Variants in PTPN23 observed in about 807,000 individuals in gnomAD.
The protein encoded by PTPN23 is protein tyrosine phosphatase non-receptor type 23.
In PTPN23, 72 loss-of-function variants were observed where a neutral mutation model predicts 156.3. That is an observed-to-expected ratio of 0.46 (90% confidence interval 0.38 to 0.56). The LOEUF (loss-of-function observed/expected upper bound fraction) is 0.56. Ranked by LOEUF, PTPN23 falls within the 20% of genes least tolerant of loss-of-function variation. The pLI, the probability that PTPN23 is intolerant of heterozygous loss-of-function variation, is 0.00. For synonymous variants in PTPN23, 957 were observed against 899.6 expected (o/e 1.06, Z -1.14); for missense variants, 1,974 against 2,171.5 (o/e 0.91, Z 1.81).
intron 2 of PTPN23, among the ~76,000 whole-genome samples, chr3:47,397,306 C>G (rs1288695621): frequency 1.3e-5 from 2 of 152,204 alleles, no homozygotes; most frequent in Non-Finnish European, 2.9e-5. Flanking sequence ...ATGGTGCCGA[C>G]AGGCCTGTGT....
At position 47,412,300 on chromosome 3, in the gene PTPN23, C is replaced by T. The variant is rs1206430711; in HGVS notation, c.4196C>T (p.Thr1399Met). The T allele has an allele frequency of 7.4e-6, 12 of 1,613,236 alleles. No homozygotes were observed. Among genetic ancestry groups the T allele is most frequent in the African/African-American group, 2.7e-5 (2 of 75,042 alleles). ...IVHCSSGVGR[T>M]GAFALLYAAV... is the part of the protein sequence containing the mutation. ...TGGCACAGCTCTGGTGTGGGCCGCACGGGAGCCTTTGCACTGCTCTATGCA... is the reference window on the plus strand; with the variant it reads ...TGGCACAGCTCTGGTGTGGGCCGCATGGGAGCCTTTGCACTGCTCTATGCA... Residue 1399 changes from threonine (T) to methionine (M), a missense_variant, in exon 23 of 25, where the codon ACG (threonine) becomes ATG (methionine). Around this residue, in one of 4 missense-constraint regions of PTPN23, gnomAD observed 484 missense variants for 516.0 expected, o/e 0.94. Coordinates refer to ENST00000265562, the MANE Select transcript of PTPN23 (RefSeq NM_015466.4).
At position 47,413,334 on chromosome 3, in the gene PTPN23, G is replaced by A. The variant is rs1267542362; in HGVS notation, c.*149G>A. 1 of 1,124,808 alleles carries A rather than the reference G, an allele frequency of 8.9e-7. No individual in the cohort carries two copies. The highest frequency in any genetic ancestry group is 1.3e-6 in the Non-Finnish European group (1 of 791,312). The allele number at this position is 1,124,808 out of a possible 1,614,324, so 69.7% of individuals were successfully genotyped here. A position where few individuals can be genotyped will look rare whatever the true frequency, so the allele number is the denominator to read the frequency against. On this transcript the variant is annotated 3_prime_UTR_variant, in exon 25 of 25. Coordinates refer to ENST00000265562, the MANE Select transcript of PTPN23 (RefSeq NM_015466.4). ...CCTGGCCCAGCCTGCACCCCTGTGG[G>A]GTGGAAATGTACTGCAGGCTCTGGG...
At chr3:47,382,675 CTTTTCTTTT>C (rs1704569490) in intron 1 of PTPN23, among the ~76,000 whole-genome samples, 2 of 63,272 alleles carry the variant, frequency 3.2e-5, no homozygotes, top group Non-Finnish European at 6.8e-5. Flanking sequence ...TTTTCTTTTT[CTTTTCTTTT>C]TTTTTTTTTT....
chr3:47,409,911 C>G lies in PTPN23; in HGVS notation c.2130-17C>G. On this transcript the variant is annotated splice_polypyrimidine_tract_variant and intron_variant, in intron 19 of 24. Transcript: ENST00000265562. Reference sequence around the variant, plus strand: ...TGATGGGAGCCTGGCCCCACTTTTTCCTTGCCTGTCGCACAGGGAGCTGAA... The same window carrying G: ...TGATGGGAGCCTGGCCCCACTTTTTGCTTGCCTGTCGCACAGGGAGCTGAA... The G allele has an allele frequency of 1.9e-6, 3 of 1,570,494 alleles. No homozygotes were observed. The highest frequency in any genetic ancestry group is 1.7e-6 in the Non-Finnish European group (2 of 1,159,320).
rs755423605 is a variant in PTPN23 at position 47,408,921 on chromosome 3, A to C, written c.1476A>C (p.Ala492=). ...CCATCACCTCCAAGGCTGAGCTGGCAGAGGTGAGGCGAGAATGGGCCAAGT... is the reference window on the plus strand; with the variant it reads ...CCATCACCTCCAAGGCTGAGCTGGCCGAGGTGAGGCGAGAATGGGCCAAGT... ...AISITSKAEL[A]EVRREWAKYM... Residue 492 remains alanine, a synonymous_variant, in exon 16 of 25, where the codon GCA becomes GCC. Transcript: ENST00000265562. 1.2e-6 allele frequency: 2 copies of C among 1,614,250 alleles called. No homozygotes were observed. Among genetic ancestry groups the C allele is most frequent in the Non-Finnish European group, 1.7e-6 (2 of 1,180,042 alleles).
At position 47,412,544 on chromosome 3, in the gene PTPN23, G is replaced by A; in HGVS notation, c.4348G>A (p.Val1450Met). 6.2e-7 allele frequency: 1 copy of A among 1,613,612 alleles called. No homozygotes were observed. Among genetic ancestry groups the A allele is most frequent in the South Asian group, 1.1e-5 (1 of 91,082 alleles). Reference protein sequence around the residue: ...LHLRFCYEAVVRHVEQVLQRH... With the variant: ...LHLRFCYEAVMRHVEQVLQRH... ...CCTCAGGTTCTGCTATGAGGCAGTG[G>A]TGAGACACGTGGAGCAGGTCCTGCA... The change falls in exon 24 of 25, where the codon GTG becomes ATG. Residue 1450 changes from valine (V) to methionine (M), a missense_variant. By Grantham distance (21) the Val-to-Met change is conservative. This residue lies in a region of PTPN23 where 484 missense variants were observed against 516.0 expected (regional missense o/e 0.94). Coordinates refer to ENST00000265562, the MANE Select transcript of PTPN23 (RefSeq NM_015466.4).
At chr3:47,402,634 G>A (rs565827329) in intron 2 of PTPN23, among the ~76,000 whole-genome samples, 2 of 152,192 alleles carry the variant, frequency 1.3e-5, no homozygotes, top group African/African-American at 4.8e-5. Flanking sequence ...GTCATTCAGC[G>A]ATAATCACGG....
Position 47,413,208 on chromosome 3 carries a change from T to G in PTPN23, c.*23T>G, listed in dbSNP as rs752537249. 6.3e-7 allele frequency: 1 copy of G among 1,589,508 alleles called. No homozygotes were observed. The highest frequency in any genetic ancestry group is 1.3e-5 in the African/African-American group (1 of 74,432). On this transcript the variant is annotated 3_prime_UTR_variant, in exon 25 of 25. Coordinates refer to ENST00000265562, the MANE Select transcript of PTPN23 (RefSeq NM_015466.4). ...TGAACAGGTTTTGCCTACCTGGTCC[T>G]TACACTACATCATCATCATCTCATG... is the stretch of plus-strand genomic sequence containing the variant.
In PTPN23 at chr3:47,410,481, A is replaced by G. The variant is rs1326937825; in HGVS notation, c.2683A>G (p.Thr895Ala). 1 of 1,608,198 alleles carries G rather than the reference A, an allele frequency of 6.2e-7. No individual in the cohort carries two copies. Among genetic ancestry groups the G allele is most frequent in the African/African-American group, 1.3e-5 (1 of 74,466 alleles). ...DSIQAPIPSH[T>A]APRPNPTPAP... ...CATCCAGGCGCCCATCCCCAGCCAC[A>G]CAGCCCCACGGCCAAACCCCACCCC... The change falls in exon 20 of 25, where the codon ACA becomes GCA. Residue 895 changes from threonine (T) to alanine (A), a missense_variant. Around this residue, in one of 4 missense-constraint regions of PTPN23, gnomAD observed 731 missense variants for 669.1 expected, o/e 1.09. Transcript: ENST00000265562.
chr3:47,395,805 T>C (rs1375650853), intron 1 of PTPN23, among the ~76,000 whole-genome samples: 3 of 152,174 alleles, frequency 2.0e-5, no homozygotes, highest in Non-Finnish European at 4.4e-5. Context: ...CCCAATCTTC[T>C]AGGGAGGCTT....
Position 47,394,887 on chromosome 3 carries a change from A to T in PTPN23, c.85-1256A>T, listed in dbSNP as rs1216275906. Among the ~76,000 whole-genome samples, 3 of 152,186 alleles carry T rather than the reference A, an allele frequency of 2.0e-5. No homozygotes were observed. In the East Asian group the frequency reaches 5.8e-4, roughly 29 times the overall value. On this transcript the variant is annotated intron_variant, in intron 1 of 24. Coordinates refer to ENST00000265562, the MANE Select transcript of PTPN23 (RefSeq NM_015466.4). The stretch of plus-strand genomic sequence containing the variant: ...ATTCTGGCCACTTGGTAAGGGACGG[A>T]TTTGAAGGGGTGGGTTGTCCAGGAC...
intron 2 of PTPN23, among the ~76,000 whole-genome samples, chr3:47,397,251 A>G (rs558494082): frequency 1.1e-4 from 16 of 152,370 alleles, no homozygotes; most frequent in African/African-American, 3.8e-4. Context: ...GAGAATTACT[A>G]AAATGTGACA....
intron 1 of PTPN23, among the ~76,000 whole-genome samples, chr3:47,395,731 G>A (rs1446732364): frequency 6.6e-6 from 1 of 152,170 alleles, no homozygotes; most frequent in Non-Finnish European, 1.5e-5. Flanking sequence ...CTCTTGTTTG[G>A]TGCCTCTTGC....
chr3:47,408,569 T>A, intron 15 of PTPN23, 79 bp downstream of exon 15: 1 of 1,539,244 alleles, frequency 6.5e-7, no homozygotes, highest in Non-Finnish European at 8.8e-7. Context: ...CCCTGGTCAC[T>A]GAGGATGGAG....
chr3:47,383,697 T>C (rs563702483), intron 1 of PTPN23, among the ~76,000 whole-genome samples: 1 of 152,380 alleles, frequency 6.6e-6, no homozygotes, highest in African/African-American at 2.4e-5. Context: ...ACTTAGCCTT[T>C]GCTGCTCTGA....
chr3:47,386,487 CT>C (rs1474170372), intron 1 of PTPN23, among the ~76,000 whole-genome samples: 1 of 151,868 alleles, frequency 6.6e-6, no homozygotes, highest in South Asian at 2.1e-4. Flanking sequence ...CTCTTGTTGC[CT>C]TTTTTTTACT....
intron 1 of PTPN23, among the ~76,000 whole-genome samples, chr3:47,393,236 TC>T (rs1704811016): frequency 6.6e-6 from 1 of 152,076 alleles, no homozygotes; most frequent in Non-Finnish European, 1.5e-5. Flanking sequence ...CACTGCAACC[TC>T]CCCCTCCTGA....
In PTPN23 at chr3:47,406,157, C is replaced by G; in HGVS notation, c.546+111C>G. The G allele has an allele frequency of 1.3e-6, 2 of 1,513,792 alleles. No individual in the cohort carries two copies. Among genetic ancestry groups the G allele is most frequent in the South Asian group, 1.2e-5 (1 of 80,688 alleles). 93.8% of individuals were successfully genotyped at this position (1,513,792 alleles called of 1,614,324 possible). A position where few individuals can be genotyped will look rare whatever the true frequency, so the allele number is the denominator to read the frequency against. On this transcript the variant is annotated intron_variant, in intron 6 of 24. Transcript: ENST00000265562. This position sits in a 1 kb window ranked among gnomAD's most constrained non-coding sequence, Gnocchi z 5.8. The stretch of plus-strand genomic sequence containing the variant: ...AAGGCAGTGAGGGACAAGCAAGGGG[C>G]CTTGGCTTTGTTGAATCAGGAGCAC...
intron 1 of PTPN23, among the ~76,000 whole-genome samples, chr3:47,383,387 C>T (rs1427649106): frequency 6.6e-6 from 1 of 152,208 alleles, no homozygotes; most frequent in Non-Finnish European, 1.5e-5. Flanking sequence ...CTTTCTTAAT[C>T]TTTCTACCTG....
Sources: allele counts gnomAD v4.1 joint callset (sites outside exome capture counted in the v4.1 genomes callset), GRCh38; gene constraint gnomAD v4.1.1; regional missense constraint gnomAD v4.1.1; non-coding constraint Gnocchi (gnomAD v3.1); transcripts MANE v1.5; gene names NCBI Gene and HGNC (gene_info 2026-07-23, HGNC 2026-07-21).